SDCCAG8: variants seen among roughly 807,000 people sequenced by gnomAD.
The protein encoded by SDCCAG8 is serologically defined colon cancer antigen 8.
In SDCCAG8, 74 loss-of-function variants were observed where a neutral mutation model predicts 101.8. The ratio of observed to expected loss-of-function variants is 0.73; its 90% confidence interval spans 0.60 to 0.88. The LOEUF (loss-of-function observed/expected upper bound fraction) is 0.88. Among genes scored for constraint, SDCCAG8 ranks in the 40% least tolerant of loss-of-function variants. SDCCAG8 has a pLI of 0.00. For missense variants in SDCCAG8, 787 were observed against 822.6 expected (o/e 0.96, Z 0.53); for synonymous variants, 281 against 292.9 (o/e 0.96, Z 0.41).
At position 243,345,842 on chromosome 1, in the gene SDCCAG8, A is replaced by G. The variant is rs574635882; in HGVS notation, c.1473+1511A>G. ...CTCATTTTAATTAATCCGTGATGGT[A>G]TGGAGGCTAAAGTTGCAGGATTTAC... is the stretch of plus-strand genomic sequence containing the variant. On this transcript the variant is annotated intron_variant, in intron 12 of 17. Transcript: ENST00000366541. 5.9e-5 allele frequency among the ~76,000 whole-genome samples: 9 copies of G among 152,340 alleles called. No homozygotes were observed. In the East Asian group the frequency reaches 9.6e-4, roughly 16 times the overall value.
chr1:243,387,010 A>C (rs1300316489), intron 13 of SDCCAG8, among the ~76,000 whole-genome samples: 2 of 152,234 alleles, frequency 1.3e-5, no homozygotes, highest in Non-Finnish European at 2.9e-5. Flanking sequence ...AAATTTTTCA[A>C]GTATTTATTT....
At chr1:243,375,507 T>A (rs144407037) in intron 12 of SDCCAG8, among the ~76,000 whole-genome samples, 2 of 152,292 alleles carry the variant, frequency 1.3e-5, no homozygotes, top group African/African-American at 4.8e-5. Flanking sequence ...CGATCCCCAG[T>A]ACTGTTTTCT....
chr1:243,437,488 AAAT>A (rs2082213665), intron 16 of SDCCAG8, among the ~76,000 whole-genome samples: 1 of 151,992 alleles, frequency 6.6e-6, no homozygotes, highest in African/African-American at 2.4e-5. Flanking sequence ...TTCTTTTGAG[AAAT>A]AATATCTATC....
chr1:243,407,009 C>T (rs2079832082), intron 13 of SDCCAG8, among the ~76,000 whole-genome samples: 1 of 152,096 alleles, frequency 6.6e-6, no homozygotes, highest in Non-Finnish European at 1.5e-5. Flanking sequence ...AGGAATTTAG[C>T]CCTACTTTAA....
intron 12 of SDCCAG8, among the ~76,000 whole-genome samples, chr1:243,360,144 C>G (rs1461315704): frequency 1.8e-5 from 2 of 112,872 alleles, no homozygotes; most frequent in African/African-American, 3.7e-5. Context: ...GCAACAGTCT[C>G]TTTTTTTTTT....
Position 243,308,114 on chromosome 1 carries a change from A to C in SDCCAG8, c.866A>C (p.His289Pro). 1.2e-6 allele frequency: 2 copies of C among 1,614,208 alleles called. No individual in the cohort carries two copies. The highest frequency in any genetic ancestry group is 2.2e-5 in the South Asian group (2 of 91,084). ...GGTCTTTGTTTGAAATGTGCTCAGCATGAAGCTGTTCTTTCCCAAACCCAT... is the reference window on the plus strand; with the variant it reads ...GGTCTTTGTTTGAAATGTGCTCAGCCTGAAGCTGTTCTTTCCCAAACCCAT... The part of the protein sequence containing the change: ...VGGLCLKCAQ[H>P]EAVLSQTHTN... Residue 289 changes from histidine to proline, a missense_variant, in exon 8 of 18, where the codon CAT becomes CCT. Physicochemically the swap from His to Pro is moderately conservative, Grantham distance 77. Coordinates refer to ENST00000366541, the MANE Select transcript of SDCCAG8 (RefSeq NM_006642.5).
chr1:243,489,241 G>A, intron 17 of SDCCAG8, 101 bp downstream of exon 17: 1 of 1,458,008 alleles, frequency 6.9e-7, no homozygotes, highest in Non-Finnish European at 9.3e-7. Flanking sequence ...GGATCACATC[G>A]GTTAGCAGTA....
chr1:243,332,239 T>C lies in SDCCAG8; in HGVS notation c.1221+1547T>C, dbSNP rs146086677. ...GGAGAATTATGTTGGGATGGAATCA[T>C]GAATGGCTTTAAAATCCATATGAAG... On this transcript the variant is annotated intron_variant, in intron 10 of 17. Transcript: ENST00000366541. Among the ~76,000 whole-genome samples the C allele has an allele frequency of 1.5e-3, 222 of 152,324 alleles. 1 individual carries two copies. Among genetic ancestry groups the C allele is most frequent in the African/African-American group, 5.1e-3 (212 of 41,572 alleles).
At chr1:243,341,225 A>G (rs753946148) in intron 11 of SDCCAG8, 52 bp downstream of exon 11, 22 of 1,595,278 alleles carry the variant, frequency 1.4e-5, no homozygotes, top group Non-Finnish European at 1.9e-5. Flanking sequence ...ATTTCCTTTG[A>G]AAAATGTTTT....
At chr1:243,438,350 T>A (rs984015206) in intron 16 of SDCCAG8, among the ~76,000 whole-genome samples, 1 of 152,248 alleles carries the variant, frequency 6.6e-6, no homozygotes, top group Non-Finnish European at 1.5e-5. Context: ...CTTTCCTTGC[T>A]ATGCCAAAGA....
rs1658180074 is a variant in SDCCAG8 at position 243,458,039 on chromosome 1, C to T, written c.1986-30975C>T. Among the ~76,000 whole-genome samples the T allele has an allele frequency of 6.6e-6, 1 of 152,186 alleles. No individual in the cohort carries two copies. Among genetic ancestry groups the T allele is most frequent in the Non-Finnish European group, 1.5e-5 (1 of 68,026 alleles). On this transcript the variant is annotated intron_variant, in intron 16 of 17. Coordinates refer to ENST00000366541, the MANE Select transcript of SDCCAG8 (RefSeq NM_006642.5). The surrounding 1 kb of genome is among the most constrained non-coding windows in gnomAD (Gnocchi z 4.5). ...GTATGGATAGAGGTCCTGCAGAAAC[C>T]TTCAGGACCCATCCCAAAATGACGA...
chr1:243,307,510 GTTTT>G (rs1218129091), intron 7 of SDCCAG8: 1 of 984,074 alleles, frequency 1.0e-6, no homozygotes, highest in African/African-American at 1.7e-5. Context: ...AAAAATCCAT[GTTTT>G]TTTATGTGAA....
intron 16 of SDCCAG8, among the ~76,000 whole-genome samples, chr1:243,429,695 A>ATTTTTTTTT (rs796450909): frequency 1.1e-5 from 1 of 92,936 alleles, no homozygotes; most frequent in East Asian, 3.0e-4. Flanking sequence ...TGCTCTGCTA[A>ATTTTTTTTT]TTTTTTTTTT....
At chr1:243,320,809 T>A (rs2073694054) in intron 9 of SDCCAG8, among the ~76,000 whole-genome samples, 1 of 152,182 alleles carries the variant, frequency 6.6e-6, no homozygotes, top group Admixed American at 6.5e-5. Flanking sequence ...ATAACCCTGC[T>A]GATTATCCCA....
chr1:243,471,322 C>T (rs903404901), intron 16 of SDCCAG8, among the ~76,000 whole-genome samples: 28 of 152,164 alleles, frequency 1.8e-4, no homozygotes, highest in Non-Finnish European at 3.2e-4. Context: ...AATTGGCCCT[C>T]GGGCGGGTAC....
At chr1:243,398,910 G>A (rs1396534185) in intron 13 of SDCCAG8, among the ~76,000 whole-genome samples, 1 of 152,228 alleles carries the variant, frequency 6.6e-6, no homozygotes. Flanking sequence ...CTGCTAAGCA[G>A]GTATTCAGTC....
intron 1 of SDCCAG8, among the ~76,000 whole-genome samples, chr1:243,261,463 G>T (rs1324909757): frequency 6.6e-6 from 1 of 152,208 alleles, no homozygotes; most frequent in Non-Finnish European, 1.5e-5. Flanking sequence ...TTTACGAATT[G>T]ATGTAGTTCA....
At chr1:243,381,293 A>T (rs1003054601) in intron 13 of SDCCAG8, among the ~76,000 whole-genome samples, 1 of 152,178 alleles carries the variant, frequency 6.6e-6, no homozygotes, top group Non-Finnish European at 1.5e-5. Flanking sequence ...ATGGGATTTT[A>T]AAACGGTAAA....
chr1:243,334,985 T>G (rs1048491719), intron 10 of SDCCAG8, among the ~76,000 whole-genome samples: 10 of 152,166 alleles, frequency 6.6e-5, no homozygotes, highest in African/African-American at 2.2e-4. Context: ...TACAAATTCA[T>G]GTCGAATAGC....
Sources: gnomAD v4.1 joint callset for allele counts (sites outside exome capture counted in the v4.1 genomes callset) on GRCh38, gnomAD v4.1.1 for gene constraint, Gnocchi (gnomAD v3.1) non-coding constraint, MANE v1.5 for transcripts, NCBI Gene and HGNC (gene_info 2026-07-23, HGNC 2026-07-21) for gene names.